SPOCK3: variants seen among roughly 807,000 people sequenced by gnomAD.
The protein encoded by SPOCK3 is SPARC (osteonectin), cwcv and kazal like domains proteoglycan 3.
In SPOCK3, 30 loss-of-function variants were observed where a neutral mutation model predicts 56.6. The observed-to-expected ratio is 0.53, with a 90% CI of 0.40 to 0.72. The LOEUF (loss-of-function observed/expected upper bound fraction) is 0.72. Among genes scored for constraint, SPOCK3 ranks in the 30% least tolerant of loss-of-function variants. The pLI is 0.00. For missense variants in SPOCK3, 527 were observed against 530.0 expected, an observed-to-expected ratio of 0.99 and a Z score of 0.06; for synonymous variants, 196 against 183.3, an observed-to-expected ratio of 1.07 and a Z score of -0.56.
chr4:166,845,751 T>A (rs1186043049), intron 6 of SPOCK3, among the ~76,000 whole-genome samples: 1 of 152,186 alleles, frequency 6.6e-6, no homozygotes, highest in East Asian at 1.9e-4. Context: ...AGGTGATTTT[T>A]AAAGCAATGG....
At chr4:166,824,039 C>T (rs1438706542) in intron 6 of SPOCK3, among the ~76,000 whole-genome samples, 1 of 151,980 alleles carries the variant, frequency 6.6e-6, no homozygotes, top group East Asian at 1.9e-4. Context: ...GTCCCTTGCC[C>T]TGCTCCTGAG....
At chr4:167,013,526 A>T (rs1750302189) in intron 3 of SPOCK3, among the ~76,000 whole-genome samples, 2 of 151,064 alleles carry the variant, frequency 1.3e-5, no homozygotes, top group South Asian at 4.1e-4. Flanking sequence ...TATTATTTAT[A>T]AAACTATTGT....
chr4:167,011,746 G>A (rs920314163), intron 3 of SPOCK3, among the ~76,000 whole-genome samples: 1 of 151,922 alleles, frequency 6.6e-6, no homozygotes, highest in African/African-American at 2.4e-5. Flanking sequence ...ATACATAAAA[G>A]ACCTATTGCT....
intron 6 of SPOCK3, among the ~76,000 whole-genome samples, chr4:166,819,748 CTT>C (rs1217094771): frequency 2.1e-5 from 3 of 145,218 alleles, no homozygotes; most frequent in South Asian, 2.2e-4. Context: ...TTGGAAGACT[CTT>C]TTTTTTTTTG....
intron 4 of SPOCK3, among the ~76,000 whole-genome samples, chr4:166,953,629 T>C (rs4289463): frequency 0.16 from 24,346 of 152,074 alleles, 2,823 homozygotes; most frequent in African/African-American, 0.33. Context: ...TGAAGACACA[T>C]GCACATGTAT....
At chr4:166,996,186 T>C (rs1748358911) in intron 4 of SPOCK3, among the ~76,000 whole-genome samples, 1 of 152,168 alleles carries the variant, frequency 6.6e-6, no homozygotes, top group Non-Finnish European at 1.5e-5. Context: ...CACTTCCTTA[T>C]TCTTTTTTTT....
intron 2 of SPOCK3, among the ~76,000 whole-genome samples, chr4:167,220,147 A>T (rs1735758105): frequency 6.6e-6 from 1 of 152,174 alleles, no homozygotes; most frequent in Non-Finnish European, 1.5e-5. Flanking sequence ...AATGATATGT[A>T]TGTTGATTAC....
chr4:167,113,703 G>A (rs1018367560), intron 2 of SPOCK3, among the ~76,000 whole-genome samples: 1 of 152,018 alleles, frequency 6.6e-6, no homozygotes, highest in Non-Finnish European at 1.5e-5. Flanking sequence ...TAGGCCTACG[G>A]TACAAGAAAG....
At chr4:167,208,020 T>A (rs1198237339) in intron 2 of SPOCK3, among the ~76,000 whole-genome samples, 3 of 152,172 alleles carry the variant, frequency 2.0e-5, no homozygotes. Context: ...TACTTGATAC[T>A]CTTACTCAGG....
At chr4:167,090,261 G>A (rs775862287) in intron 2 of SPOCK3, among the ~76,000 whole-genome samples, 2 of 151,968 alleles carry the variant, frequency 1.3e-5, no homozygotes, top group Non-Finnish European at 2.9e-5. Context: ...AATTACAATT[G>A]CTCTGCACCC....
chr4:167,230,985 A>T (rs1173871556), intron 2 of SPOCK3, among the ~76,000 whole-genome samples: 2 of 151,976 alleles, frequency 1.3e-5, no homozygotes, highest in African/African-American at 4.8e-5. Context: ...CTTTGCTTTC[A>T]TTGCTTCTTT....
At chr4:167,205,165 ATATATAT>A (rs1337545685) in intron 2 of SPOCK3, among the ~76,000 whole-genome samples, 38 of 110,320 alleles carry the variant, frequency 3.4e-4, no homozygotes, top group African/African-American at 1.3e-3. Flanking sequence ...TATATATATA[ATATATAT>A]TATATATTAT....
intron 6 of SPOCK3, among the ~76,000 whole-genome samples, chr4:166,848,423 G>C (rs1040384310): frequency 2.6e-5 from 4 of 152,170 alleles, no homozygotes; most frequent in Admixed American, 2.6e-4. Context: ...CTTTTTGCTA[G>C]AGTGATGTTT....
chr4:166,976,962 T>A (rs908705745), intron 4 of SPOCK3, among the ~76,000 whole-genome samples: 2 of 151,848 alleles, frequency 1.3e-5, no homozygotes, highest in Non-Finnish European at 2.9e-5. Flanking sequence ...AATTTTTATA[T>A]GCAAAGAAAC....
chr4:167,104,866 A>G (rs7681847), intron 2 of SPOCK3, among the ~76,000 whole-genome samples: 71,432 of 150,970 alleles, frequency 0.47, 17,473 homozygotes, highest in East Asian at 0.68. Context: ...AAGACACACA[A>G]TTGGGCTCCA....
chr4:166,814,541 T>C (rs1251063863), intron 6 of SPOCK3, among the ~76,000 whole-genome samples: 1 of 152,076 alleles, frequency 6.6e-6, no homozygotes, highest in Non-Finnish European at 1.5e-5. Flanking sequence ...CTCTCAGCTT[T>C]CTCCCTTGCT....
At chr4:167,042,136 G>C (rs1753282103) in intron 3 of SPOCK3, among the ~76,000 whole-genome samples, 1 of 152,114 alleles carries the variant, frequency 6.6e-6, no homozygotes, top group Admixed American at 6.6e-5. Context: ...TCATCCTTTA[G>C]CACTGGCAGA....
chr4:167,213,777 G>A (rs990950368), intron 2 of SPOCK3, among the ~76,000 whole-genome samples: 1 of 148,966 alleles, frequency 6.7e-6, no homozygotes, highest in African/African-American at 2.6e-5. Context: ...GATGACATAT[G>A]GTGAATCTTG....
chr4:167,150,647 G>A (rs1185329421), intron 2 of SPOCK3, among the ~76,000 whole-genome samples: 1 of 152,192 alleles, frequency 6.6e-6, no homozygotes, highest in African/African-American at 2.4e-5. Flanking sequence ...ATAGTGGTAT[G>A]TGTGTAATGG....
Sources: gnomAD v4.1 joint callset for allele counts (sites outside exome capture counted in the v4.1 genomes callset) on GRCh38, gnomAD v4.1.1 for gene constraint, MANE v1.5 for transcripts, NCBI Gene and HGNC (gene_info 2026-07-23, HGNC 2026-07-21) for gene names.